The following EVI5 variants were observed in gnomAD, a reference collection of about 807,000 sequenced individuals.
EVI5 encodes the protein ecotropic viral integration site 5 protein homolog.
Under a neutral mutation model 112.0 loss-of-function variants are expected in EVI5, and 73 were observed. The ratio of observed to expected loss-of-function variants is 0.65; its 90% CI spans 0.54 to 0.79. The LOEUF (loss-of-function observed/expected upper bound fraction) is 0.79. Ranked by LOEUF, EVI5 falls within the 30% of genes least tolerant of loss-of-function variation. The pLI is 0.00. For missense variants in EVI5, 900 were observed against 968.8 expected, an observed-to-expected ratio of 0.93 and a Z score of 0.94; for synonymous variants, 305 against 319.9, an observed-to-expected ratio of 0.95 and a Z score of 0.50.
intron 18 of EVI5, among the ~76,000 whole-genome samples, chr1:92,582,714 T>C (rs1243053909): frequency 3.3e-5 from 5 of 152,206 alleles, no homozygotes; most frequent in African/African-American, 1.2e-4. Flanking sequence ...AGCCCAAGTT[T>C]CCTTTGTTAC....
intron 18 of EVI5, among the ~76,000 whole-genome samples, chr1:92,576,091 A>T (rs1413641615): frequency 6.6e-6 from 1 of 152,224 alleles, no homozygotes; most frequent in African/African-American, 2.4e-5. Context: ...TATAGAAGAC[A>T]TGGGCACTAA....
Position 92,693,850 on chromosome 1 carries a change from A to G in EVI5, c.1049T>C (p.Leu350Pro), listed in dbSNP as rs1177176977. The G allele has an allele frequency of 6.2e-7, 1 of 1,608,146 alleles. No homozygotes were observed. The change falls in exon 9 of 20, where the codon CTA becomes CCA. Residue 350 changes from leucine to proline, a missense_variant. Transcript: ENST00000684568. ...TTTGACTTGGTAAGCTGCTTGGATT[A>G]GCTTGTCTGGGACACCATCAAACTG... The part of the protein sequence containing the change: ...PHQFDGVPDK[L>P]IQAAYQVKYN...
intron 13 of EVI5, among the ~76,000 whole-genome samples, chr1:92,651,061 C>T (rs1443495329): frequency 1.3e-5 from 2 of 152,176 alleles, no homozygotes; most frequent in East Asian, 3.8e-4. Flanking sequence ...CTTATTACCA[C>T]CTGAAATTGT....
intron 13 of EVI5, among the ~76,000 whole-genome samples, chr1:92,641,934 T>G (rs937703784): frequency 6.6e-6 from 1 of 152,002 alleles, no homozygotes; most frequent in Non-Finnish European, 1.5e-5. Flanking sequence ...CGTCAGGAGA[T>G]CAAGACCATC....
chr1:92,626,048 T>G, intron 14 of EVI5, 114 bp from the exon 15 acceptor site: 1 of 616,544 alleles, frequency 1.6e-6, no homozygotes. Context: ...ACAGCTATAC[T>G]GAAATATAAT....
chr1:92,783,584 C>T (rs1258751042), intron 1 of EVI5, among the ~76,000 whole-genome samples: 1 of 151,078 alleles, frequency 6.6e-6, no homozygotes, highest in East Asian at 1.9e-4. Flanking sequence ...GAGGCTGAGG[C>T]GGGTGGAACA....
At chr1:92,610,942 T>C (rs547287010) in intron 16 of EVI5, among the ~76,000 whole-genome samples, 29 of 140,036 alleles carry the variant, frequency 2.1e-4, no homozygotes, top group African/African-American at 7.0e-4. Context: ...CTCTGGGGAC[T>C]GTTGTGGGGT....
rs1662093705 is a variant in EVI5, at chr1:92,527,429, A to AAAAAAAAAAAAAAAG, written c.2167-13460_2167-13459insCTTTTTTTTTTTTTT. On this transcript the variant is annotated intron_variant, in intron 19 of 19. Coordinates refer to ENST00000684568, the MANE Select transcript of EVI5 (RefSeq NM_001350197.2). ...GACACTGTCTCAAAAAAAAAAAAAA[A>AAAAAAAAAAAAAAAG]AAAAGAAAAAAAGAAATAAAAGAAA... is the stretch of plus-strand genomic sequence containing the variant. Among the ~76,000 whole-genome samples the AAAAAAAAAAAAAAAG allele has an allele frequency of 1.4e-4, 19 of 134,760 alleles. 1 individual carries two copies. Among genetic ancestry groups the AAAAAAAAAAAAAAAG allele is most frequent in the Admixed American group, 2.3e-4 (3 of 12,798 alleles). The allele number at this position is 134,760 out of a possible 152,430, so 88.4% of individuals were successfully genotyped here.
intron 19 of EVI5, among the ~76,000 whole-genome samples, chr1:92,526,541 TA>T (rs1457001492): frequency 6.6e-6 from 1 of 152,140 alleles, no homozygotes; most frequent in Non-Finnish European, 1.5e-5. Flanking sequence ...GTGTTTGGGT[TA>T]GGGGGAGTGA....
At chr1:92,777,468 A>C (rs551160926) in intron 1 of EVI5, among the ~76,000 whole-genome samples, 95 of 152,278 alleles carry the variant, frequency 6.2e-4, no homozygotes, top group Non-Finnish European at 1.0e-3. Flanking sequence ...TATCTTCAAA[A>C]TCACTTCCAA....
At position 92,696,841 on chromosome 1, in the gene EVI5, A is replaced by G. The variant is rs561691179; in HGVS notation, c.765+1019T>C. Among the ~76,000 whole-genome samples, 3 of 152,280 alleles carry G rather than the reference A, an allele frequency of 2.0e-5. No individual in the cohort carries two copies. The South Asian group carries it at 6.2e-4, about 32-fold the overall frequency. Reference sequence around the variant, plus strand: ...TTCATGAGGTCAGGAGATCGAGACCATCCTGGCTAACATGGTGAAACCCCA... The same window carrying G: ...TTCATGAGGTCAGGAGATCGAGACCGTCCTGGCTAACATGGTGAAACCCCA... On this transcript the variant is annotated intron_variant, in intron 6 of 19. Coordinates refer to ENST00000684568, the MANE Select transcript of EVI5 (RefSeq NM_001350197.2).
chr1:92,531,315 G>T lies in EVI5; in HGVS notation c.2167-17345C>A, dbSNP rs143023894. Among the ~76,000 whole-genome samples the T allele has an allele frequency of 5.1e-3, 773 of 152,212 alleles. 7 individuals carry two copies. Among genetic ancestry groups the T allele is most frequent in the South Asian group, 0.02 (94 of 4,818 alleles). ...AAGAGACCAAATCTACGTTTGACTG[G>T]TGTACCTGAAAGTGATGGGGAGAAT... On this transcript the variant is annotated intron_variant, in intron 19 of 19. Transcript: ENST00000684568.
chr1:92,559,773 C>CAAAAAAAA, intron 19 of EVI5, among the ~76,000 whole-genome samples: 1 of 47,500 alleles, frequency 2.1e-5, no homozygotes, highest in Non-Finnish European at 3.7e-5. Context: ...GACTCCCTCT[C>CAAAAAAAA]AAAAAAAAAA....
chr1:92,601,186 A>G (rs1330811835), intron 18 of EVI5, among the ~76,000 whole-genome samples: 1 of 152,220 alleles, frequency 6.6e-6, no homozygotes, highest in Non-Finnish European at 1.5e-5. Flanking sequence ...CTATAATAAC[A>G]GTAACAATTC....
At chr1:92,605,087 G>C (rs935302847) in intron 18 of EVI5, among the ~76,000 whole-genome samples, 1 of 152,112 alleles carries the variant, frequency 6.6e-6, no homozygotes, top group Non-Finnish European at 1.5e-5. Context: ...GGATGGTGGT[G>C]ATGGCTGCAC....
chr1:92,541,324 C>T lies in EVI5; in HGVS notation c.2166+22318G>A, dbSNP rs537275172. Among the ~76,000 whole-genome samples, 18 of 152,122 alleles carry T rather than the reference C, an allele frequency of 1.2e-4. 1 individual carries two copies. Among genetic ancestry groups the T allele is most frequent in the African/African-American group, 3.4e-4 (14 of 41,498 alleles). Reference sequence around the variant, plus strand: ...AAAGACAATCCAATTTAAAAATAGGCGAAGGATCTAAATAAGACATTTCTC... The same window carrying T: ...AAAGACAATCCAATTTAAAAATAGGTGAAGGATCTAAATAAGACATTTCTC... On this transcript the variant is annotated intron_variant, in intron 19 of 19. Transcript: ENST00000684568.
At chr1:92,562,184 A>G (rs932943725) in intron 19 of EVI5, among the ~76,000 whole-genome samples, 1 of 152,304 alleles carries the variant, frequency 6.6e-6, no homozygotes, top group South Asian at 2.1e-4. Flanking sequence ...AAAGATTTCT[A>G]CAACACACTT....
intron 16 of EVI5, among the ~76,000 whole-genome samples, chr1:92,614,387 A>G (rs905593887): frequency 2.0e-5 from 3 of 152,194 alleles, no homozygotes; most frequent in Non-Finnish European, 2.9e-5. Context: ...GATGTTAAAA[A>G]TATCTGTGAT....
chr1:92,618,653 C>T (rs1329589838), intron 16 of EVI5, among the ~76,000 whole-genome samples: 1 of 152,046 alleles, frequency 6.6e-6, no homozygotes, highest in African/African-American at 2.4e-5. Context: ...TGGGTCACTC[C>T]ACCAGGAAAA....
Sources: allele counts gnomAD v4.1 joint callset (sites outside exome capture counted in the v4.1 genomes callset), GRCh38; gene constraint gnomAD v4.1.1; transcripts MANE v1.5; gene names NCBI Gene and HGNC (gene_info 2026-07-23, HGNC 2026-07-21).